The following POLDIP2 variants were observed in gnomAD, a reference collection of about 807,000 sequenced individuals.
The protein encoded by POLDIP2 is polymerase delta-interacting protein 2.
A neutral mutation model predicts 52.9 loss-of-function variants in POLDIP2; 32 were observed. The ratio of observed to expected loss-of-function variants is 0.61; its 90% CI spans 0.46 to 0.81. The LOEUF (loss-of-function observed/expected upper bound fraction) is 0.81, where lower values mean the gene tolerates loss of function less well. Among genes scored for constraint, POLDIP2 ranks in the 40% least tolerant of loss-of-function variants. The pLI is 0.00. For synonymous variants in POLDIP2, 183 were observed against 183.0 expected (o/e 1.00, Z 0.00); for missense variants, 371 against 477.3 (o/e 0.78, Z 2.07).
At chr17:28,355,911 G>A (rs1352778511) in intron 1 of POLDIP2, 35 bp from the exon 2 acceptor site, 1 of 1,519,362 alleles carries the variant, frequency 6.6e-7, no homozygotes, top group African/African-American at 1.4e-5. Flanking sequence ...CAACAGAAAA[G>A]CTGAGAAGGT....
Position 28,353,774 on chromosome 17 carries a change from C to G in POLDIP2, c.359G>C (p.Gly120Ala). Reference protein sequence around the residue: ...AAPEKAENPAGHGSKEVKGKT... With the variant: ...AAPEKAENPAAHGSKEVKGKT... Reference sequence around the variant, plus strand: ...GCCTTTCACCTCCTTGGAGCCATGGCCAGCAGGGTTCTCTGCTCTATGGGG... The same window carrying G: ...GCCTTTCACCTCCTTGGAGCCATGGGCAGCAGGGTTCTCTGCTCTATGGGG... Residue 120 changes from glycine (G) to alanine (A), a missense_variant, in exon 4 of 11, where the codon GGC becomes GCC. Transcript: ENST00000540200. The G allele has an allele frequency of 2.5e-6, 4 of 1,612,664 alleles. No individual in the cohort carries two copies. Among genetic ancestry groups the G allele is most frequent in the Non-Finnish European group, 3.4e-6 (4 of 1,178,892 alleles).
chr17:28,355,920 G>A (rs373393182), intron 1 of POLDIP2, 44 bp from the exon 2 acceptor site: 11 of 1,452,742 alleles, frequency 7.6e-6, no homozygotes, highest in African/African-American at 1.4e-5. Context: ...AGCTGAGAAG[G>A]TAATGGTAGT....
At position 28,357,288 on chromosome 17, in the gene POLDIP2, CG is replaced by C; in HGVS notation, c.160del (p.Arg54GlufsTer73). The C allele has an allele frequency of 1.9e-6, 3 of 1,570,950 alleles. No homozygotes were observed. Among genetic ancestry groups the C allele is most frequent in the Non-Finnish European group, 2.6e-6 (3 of 1,168,428 alleles). On this transcript the variant is annotated frameshift_variant and splice_region_variant, in exon 1 of 11. Transcript: ENST00000540200. LOFTEE classifies it high-confidence loss of function. ...TTTTRRHLSSRNRPEGKVLET... is the reference protein window; with the variant it reads ...TTTTRRHLSSXNRPEGKVLET... Reference sequence around the variant, plus strand: ...CGCGCCCCCTGGCTCCGTCCCTCACCGGGACGAGAGGTGCCTCCGCGTCGTC... The same window carrying C: ...CGCGCCCCCTGGCTCCGTCCCTCACCGGACGAGAGGTGCCTCCGCGTCGTC...
At chr17:28,350,872 G>T in intron 7 of POLDIP2, 80 bp from the exon 8 acceptor site, 1 of 1,188,434 alleles carries the variant, frequency 8.4e-7, no homozygotes, top group Non-Finnish European at 1.2e-6. Flanking sequence ...CAGTGCAGTT[G>T]ATGTATTCCA....
chr17:28,352,928 CAGA>C lies in POLDIP2; in HGVS notation c.603_605del (p.Leu202del). The C allele has an allele frequency of 2.5e-6, 4 of 1,589,148 alleles. No homozygotes were observed. Among genetic ancestry groups the C allele is most frequent in the Non-Finnish European group, 3.5e-6 (4 of 1,157,352 alleles). ...AGAGATTACCTTTTGTCTGGTCATA[CAGA>C]AGAAATCTTTCAAAGAGTTCATGTT... is the stretch of plus-strand genomic sequence containing the variant. On this transcript the variant is annotated inframe_deletion, in exon 6 of 11. Transcript: ENST00000540200.
chr17:28,352,433 TCAC>T (rs1305200924), intron 6 of POLDIP2, among the ~76,000 whole-genome samples: 2 of 151,692 alleles, frequency 1.3e-5, no homozygotes, highest in African/African-American at 2.4e-5. Flanking sequence ...AAACAGGGTT[TCAC>T]CACATTGGCC....
rs782075846 is a variant in POLDIP2 at position 28,351,813 on chromosome 17, A to ACAATTGGT, written c.623-21_623-14dup. 13 of 1,612,058 alleles carry ACAATTGGT rather than the reference A, an allele frequency of 8.1e-6. No individual in the cohort carries two copies. In the African/African-American group the frequency reaches 1.7e-4, roughly 22 times the overall value. On this transcript the variant is annotated splice_polypyrimidine_tract_variant and intron_variant, in intron 6 of 10. Transcript: ENST00000540200. ...ACAAAAGGAGGTGCTGGGGCAAGAT[A>ACAATTGGT]CAATTGGTTAGTCCAATTGTGTGTT...
chr17:28,356,357 C>A (rs941671755), intron 1 of POLDIP2, among the ~76,000 whole-genome samples: 1 of 151,922 alleles, frequency 6.6e-6, no homozygotes, highest in Admixed American at 6.6e-5. Context: ...ACTGTAAATT[C>A]CCTGGGAGCA....
At chr17:28,354,461 G>A (rs1555580561) in intron 3 of POLDIP2, 27 bp downstream of exon 3, 1 of 1,469,982 alleles carries the variant, frequency 6.8e-7, no homozygotes, top group Non-Finnish European at 9.3e-7. Context: ...TGAGGATACT[G>A]TGAGGCACAA....
intron 3 of POLDIP2, 141 bp downstream of exon 3, chr17:28,354,347 A>G (rs950192876): frequency 1.6e-6 from 1 of 643,998 alleles, no homozygotes; most frequent in Non-Finnish European, 2.8e-6. Flanking sequence ...TTTTGTCTCC[A>G]TGGGTCTTAG....
At position 28,356,287 on chromosome 17, in the gene POLDIP2, T is replaced by C. The variant is rs9908848; in HGVS notation, c.162-411A>G. Among the ~76,000 whole-genome samples the C allele has an allele frequency of 1.9e-3, 289 of 152,198 alleles. 1 individual carries two copies. Among genetic ancestry groups the C allele is most frequent in the African/African-American group, 6.6e-3 (274 of 41,514 alleles). On this transcript the variant is annotated intron_variant, in intron 1 of 10. Transcript: ENST00000540200. ...CTTACATTTTCTATATCACAAGTCATCAAACAATATCCTGCTCCCTTTACA... is the reference window on the plus strand; with the variant it reads ...CTTACATTTTCTATATCACAAGTCACCAAACAATATCCTGCTCCCTTTACA...
chr17:28,352,493 C>T (rs968796385), intron 6 of POLDIP2, among the ~76,000 whole-genome samples: 11 of 150,782 alleles, frequency 7.3e-5, no homozygotes, highest in African/African-American at 2.4e-4. Flanking sequence ...GTGTCAGCCT[C>T]CCAAAGTGCT....
At chr17:28,349,754 G>A (rs1907726758) in intron 9 of POLDIP2, among the ~76,000 whole-genome samples, 1 of 152,150 alleles carries the variant, frequency 6.6e-6, no homozygotes, top group Non-Finnish European at 1.5e-5. Flanking sequence ...AAGATAACTG[G>A]TGTGATCCAC....
chr17:28,349,459 CAAAAA>C (rs11357551), intron 9 of POLDIP2, among the ~76,000 whole-genome samples: 76 of 73,364 alleles, frequency 1.0e-3, no homozygotes, highest in African/African-American at 4.0e-3. Context: ...CCCATCTCCA[CAAAAA>C]AAAAAAAAAA....
chr17:28,349,703 AC>A (rs1555579618), intron 9 of POLDIP2, among the ~76,000 whole-genome samples: 1 of 152,122 alleles, frequency 6.6e-6, no homozygotes, highest in Non-Finnish European at 1.5e-5. Flanking sequence ...CACGGCAGGT[AC>A]TCTGCAAACC....
intron 1 of POLDIP2, 35 bp downstream of exon 1, chr17:28,357,253 C>T (rs1555581094): frequency 7.2e-7 from 1 of 1,393,308 alleles, no homozygotes; most frequent in South Asian, 1.2e-5. Flanking sequence ...GGGCTCCAGG[C>T]CCAGTTCCTC....
intron 7 of POLDIP2, 121 bp from the exon 8 acceptor site, chr17:28,350,913 A>G (rs781827758): frequency 1.2e-5 from 10 of 825,298 alleles, no homozygotes; most frequent in Non-Finnish European, 2.0e-5. Context: ...AGCTGAGAGT[A>G]TCTGTGGGAT....
chr17:28,350,852 A>G lies in POLDIP2; in HGVS notation c.760-60T>C, dbSNP rs116183869. 1,790 of 1,365,132 alleles carry G rather than the reference A, an allele frequency of 1.3e-3. 23 individuals are homozygous for G. The African/African-American group carries it at 0.023, about 18-fold the overall frequency. 84.6% of individuals were successfully genotyped at this position (1,365,132 alleles called of 1,614,324 possible). ...GGGCAAGACCAAGTGTGTTCCAATCAACATCTCTCCAGTGCAGTTGATGTA... is the reference window on the plus strand; with the variant it reads ...GGGCAAGACCAAGTGTGTTCCAATCGACATCTCTCCAGTGCAGTTGATGTA... On this transcript the variant is annotated intron_variant, in intron 7 of 10. Transcript: ENST00000540200.
At chr17:28,356,981 G>A (rs1035607931) in intron 1 of POLDIP2, among the ~76,000 whole-genome samples, 1 of 152,244 alleles carries the variant, frequency 6.6e-6, no homozygotes, top group African/African-American at 2.4e-5. Flanking sequence ...CCCTAGGGCT[G>A]AATTAAAAAG....
Sources: gnomAD v4.1 joint callset for allele counts (sites outside exome capture counted in the v4.1 genomes callset) on GRCh38, gnomAD v4.1.1 for gene constraint, MANE v1.5 for transcripts, NCBI Gene and HGNC (gene_info 2026-07-23, HGNC 2026-07-21) for gene names.